ANKRD12: variants seen among roughly 807,000 people sequenced by gnomAD.
ANKRD12 encodes the protein ankyrin repeat domain-containing protein 12.
A neutral mutation model predicts 183.4 loss-of-function variants in ANKRD12; 85 were observed. That is an observed-to-expected ratio of 0.46 (90% CI 0.39 to 0.56). ANKRD12 has a LOEUF of 0.56. Among genes scored for constraint, ANKRD12 ranks in the 20% least tolerant of loss-of-function variants. The pLI, the probability that ANKRD12 is intolerant of heterozygous loss-of-function variation, is 0.00. For missense variants in ANKRD12, 2,405 were observed against 2,357.1 expected, an observed-to-expected ratio of 1.02 and a Z score of -0.42; for synonymous variants, 914 against 800.2, an observed-to-expected ratio of 1.14 and a Z score of -2.40.
At chr18:9,204,870 T>C (rs1431386491) in intron 4 of ANKRD12, among the ~76,000 whole-genome samples, 1 of 152,238 alleles carries the variant, frequency 6.6e-6, no homozygotes, top group African/African-American at 2.4e-5. Flanking sequence ...GTGACTCCTA[T>C]GGGAAGATCC....
chr18:9,209,901 A>G (rs1439449297), intron 5 of ANKRD12, among the ~76,000 whole-genome samples: 1 of 152,054 alleles, frequency 6.6e-6, no homozygotes, highest in East Asian at 1.9e-4. Context: ...TTCATCTCCA[A>G]TCACCTCCCC....
chr18:9,236,261 T>TA (rs767737170), intron 8 of ANKRD12, among the ~76,000 whole-genome samples: 5 of 152,208 alleles, frequency 3.3e-5, no homozygotes, highest in Non-Finnish European at 7.3e-5. Context: ...ACTTTGCTTT[T>TA]AGTATCTATT....
At chr18:9,174,130 A>G (rs2033031084) in intron 1 of ANKRD12, among the ~76,000 whole-genome samples, 1 of 152,246 alleles carries the variant, frequency 6.6e-6, no homozygotes, top group African/African-American at 2.4e-5. Flanking sequence ...CCTCCTCATC[A>G]GGACCACCTG....
intron 8 of ANKRD12, among the ~76,000 whole-genome samples, chr18:9,246,721 T>C (rs564863600): frequency 5.8e-4 from 89 of 152,364 alleles, no homozygotes; most frequent in African/African-American, 2.0e-3. Context: ...TTATAAGTTT[T>C]TAATTTACAT....
intron 11 of ANKRD12, among the ~76,000 whole-genome samples, chr18:9,277,033 T>C (rs1232143068): frequency 6.6e-6 from 1 of 152,212 alleles, no homozygotes; most frequent in African/African-American, 2.4e-5. Context: ...TAGAGCAATA[T>C]AAATTGAGGT....
intron 4 of ANKRD12, 53 bp downstream of exon 4, chr18:9,204,597 C>T: frequency 1.5e-6 from 2 of 1,300,070 alleles, no homozygotes; most frequent in Non-Finnish European, 1.1e-6. Context: ...GTCACATTTA[C>T]AATTAATTAT....
intron 8 of ANKRD12, among the ~76,000 whole-genome samples, chr18:9,249,434 G>A (rs2038155724): frequency 6.6e-6 from 1 of 152,114 alleles, no homozygotes; most frequent in African/African-American, 2.4e-5. Context: ...GAATGCATTG[G>A]GGATATTGTG....
intron 6 of ANKRD12, among the ~76,000 whole-genome samples, chr18:9,213,483 A>G (rs1005383464): frequency 1.3e-5 from 2 of 151,944 alleles, no homozygotes; most frequent in African/African-American, 4.8e-5. Context: ...ACTAGCAACA[A>G]TCTGTATCCT....
chr18:9,138,084 T>C (rs2078184376), intron 1 of ANKRD12, among the ~76,000 whole-genome samples: 1 of 152,250 alleles, frequency 6.6e-6, no homozygotes, highest in African/African-American at 2.4e-5. Context: ...TGGTTCGGAA[T>C]TACCTCTAAT....
At chr18:9,197,999 A>G (rs530216884) in intron 3 of ANKRD12, among the ~76,000 whole-genome samples, 26 of 152,356 alleles carry the variant, frequency 1.7e-4, no homozygotes, top group African/African-American at 6.3e-4. Flanking sequence ...CCAGTACAAA[A>G]TGTGTTATTT....
intron 1 of ANKRD12, among the ~76,000 whole-genome samples, chr18:9,163,930 C>T (rs185189518): frequency 1.6e-4 from 24 of 152,022 alleles, no homozygotes; most frequent in Admixed American, 8.5e-4. Flanking sequence ...GCTTTCGGGC[C>T]GAGACAATGT....
chr18:9,249,423 A>C lies in ANKRD12; in HGVS notation c.944-4788A>C, dbSNP rs1476355548. Among the ~76,000 whole-genome samples, 3 of 152,354 alleles carry C rather than the reference A, an allele frequency of 2.0e-5. No homozygotes were observed. The South Asian group carries it at 6.2e-4, about 32-fold the overall frequency. ...AAGCACTTACTCATCTAGAATACACAGAATGCATTGGGGATATTGTGGTAA... is the reference window on the plus strand; with the variant it reads ...AAGCACTTACTCATCTAGAATACACCGAATGCATTGGGGATATTGTGGTAA... On this transcript the variant is annotated intron_variant, in intron 8 of 12. Transcript: ENST00000262126.
At chr18:9,243,861 G>GCGGTGGCCC (rs2037797662) in intron 8 of ANKRD12, among the ~76,000 whole-genome samples, 1 of 152,206 alleles carries the variant, frequency 6.6e-6, no homozygotes. Context: ...TGAGATGGGT[G>GCGGTGGCCC]CGGTGGCCCA....
Position 9,277,709 on chromosome 18 carries a change from G to A in ANKRD12, c.5908-1840G>A, listed in dbSNP as rs138938454. Among the ~76,000 whole-genome samples, 629 of 137,362 alleles carry A rather than the reference G, an allele frequency of 4.6e-3. 16 individuals carry two copies. The highest frequency in any genetic ancestry group is 8.5e-3 in the Admixed American group (121 of 14,286). 90.1% of individuals were successfully genotyped at this position (137,362 alleles called of 152,430 possible). On this transcript the variant is annotated intron_variant, in intron 11 of 12. Transcript: ENST00000262126. ...ATTCATAGCAGAGCTGGAAATTGAG[G>A]TGGGAAACTGTTAGACAAAAACATT...
In ANKRD12 at chr18:9,258,610, TCAC is replaced by T; in HGVS notation, c.5346_5348del (p.His1783del). ...TAACTGAAGATGACGATCCTCAAATTCACCATCCACGGAAAAGGAAAGTGTCAC... is the reference window on the plus strand; with the variant it reads ...TAACTGAAGATGACGATCCTCAAATTCATCCACGGAAAAGGAAAGTGTCAC... On this transcript the variant is annotated inframe_deletion, in exon 9 of 13. Coordinates refer to ENST00000262126, the MANE Select transcript of ANKRD12 (RefSeq NM_015208.5). 1.9e-6 allele frequency: 3 copies of T among 1,613,866 alleles called. No homozygotes were observed. The highest frequency in any genetic ancestry group is 8.5e-7 in the Non-Finnish European group (1 of 1,179,906).
chr18:9,257,314 G>T lies in ANKRD12; in HGVS notation c.4047G>T (p.Glu1349Asp). The T allele has an allele frequency of 6.2e-7, 1 of 1,614,102 alleles. No individual in the cohort carries two copies. Among genetic ancestry groups the T allele is most frequent in the South Asian group, 1.1e-5 (1 of 91,078 alleles). ...PGDTSPSPKPEVFSNVPERDL... is the reference protein window; with the variant it reads ...PGDTSPSPKPDVFSNVPERDL... ...ATACTAGTCCTTCTCCCAAACCTGA[G>T]GTATTCTCAAATGTGCCTGAAAGAG... Residue 1349 changes from glutamate (E) to aspartate (D), a missense_variant, in exon 9 of 13, where the codon GAG (glutamate) becomes GAT (aspartate). Glu to Asp is a conservative substitution (Grantham distance 45). Around this residue, in one of 7 missense-constraint regions of ANKRD12, gnomAD observed 1,983 missense variants for 1,725.9 expected, o/e 1.15. Transcript: ENST00000262126.
chr18:9,269,390 CA>C (rs200634217), intron 10 of ANKRD12, among the ~76,000 whole-genome samples: 9,649 of 152,206 alleles, frequency 0.063, 329 homozygotes, highest in Non-Finnish European at 0.079. Flanking sequence ...CTACAGTAAC[CA>C]AAACAGCATG....
At chr18:9,235,693 A>G (rs1356719399) in intron 8 of ANKRD12, 2 of 456,138 alleles carry the variant, frequency 4.4e-6, no homozygotes, top group African/African-American at 4.0e-5. Context: ...GTTGAACTAT[A>G]CCAAGTGTAT....
In ANKRD12 at chr18:9,211,771, G is replaced by C; in HGVS notation, c.639G>C (p.Val213=). Residue 213 remains valine (V), a synonymous_variant, in exon 6 of 13, where the codon GTG becomes GTC. Transcript: ENST00000262126. ...ELISLGANVN[V]KDFAGWTPLH... Reference sequence around the variant, plus strand: ...TAAGTTTAGGGGCAAATGTGAATGTGAAAGATTTTGCAGGTAAGACTAGTA... The same window carrying C: ...TAAGTTTAGGGGCAAATGTGAATGTCAAAGATTTTGCAGGTAAGACTAGTA... 1 of 1,613,232 alleles carries C rather than the reference G, an allele frequency of 6.2e-7. No homozygotes were observed. The highest frequency in any genetic ancestry group is 1.1e-5 in the South Asian group (1 of 90,988).
Sources: allele counts gnomAD v4.1 joint callset (sites outside exome capture counted in the v4.1 genomes callset), GRCh38; gene constraint gnomAD v4.1.1; regional missense constraint gnomAD v4.1.1; transcripts MANE v1.5; gene names NCBI Gene and HGNC (gene_info 2026-07-23, HGNC 2026-07-21).